The following CD320 variants were observed in gnomAD, a reference collection of about 807,000 sequenced individuals.
CD320 encodes the protein CD320 molecule.
In CD320, 16 loss-of-function variants were observed where a neutral mutation model predicts 22.1. The ratio of observed to expected loss-of-function variants is 0.73; its 90% confidence interval spans 0.49 to 1.10. CD320 has a LOEUF of 1.10. Ranked by LOEUF, CD320 falls within the 50% of genes least tolerant of loss-of-function variation. CD320 has a pLI of 0.00. For missense variants in CD320, 388 were observed against 376.9 expected (o/e 1.03, Z -0.24); for synonymous variants, 188 against 167.8 (o/e 1.12, Z -0.93).
chr19:8,303,646 C>G (rs1379287464), intron 3 of CD320, among the ~76,000 whole-genome samples: 2 of 152,038 alleles, frequency 1.3e-5, no homozygotes, highest in African/African-American at 4.8e-5. Flanking sequence ...AAATCCTGAC[C>G]TCAGATGATC....
At position 8,302,951 on chromosome 19, in the gene CD320, C is replaced by T; in HGVS notation, c.532G>A (p.Ala178Thr). 1.9e-6 allele frequency: 3 copies of T among 1,613,994 alleles called. No homozygotes were observed. In the African/African-American group the frequency reaches 4.0e-5, roughly 22 times the overall value. Residue 178 changes from alanine to threonine, a missense_variant, in exon 4 of 5, where the codon GCC (alanine) becomes ACC (threonine). By Grantham distance (58) the Ala-to-Thr change is moderately conservative. Transcript: ENST00000301458. ...GTNEILPEGD[A>T]TTMGPPVTLE... Reference sequence around the variant, plus strand: ...GTCACAGGGGGCCCCATGGTTGTGGCATCCCCTTCCGGGAGGATCTCATTG... The same window carrying T: ...GTCACAGGGGGCCCCATGGTTGTGGTATCCCCTTCCGGGAGGATCTCATTG...
At chr19:8,304,769 C>A in intron 2 of CD320, 1 of 477,020 alleles carries the variant, frequency 2.1e-6, no homozygotes, top group South Asian at 2.0e-5. Context: ...ACAATCCTAG[C>A]TCACTGCAGC....
chr19:8,307,441 G>A (rs571795048), intron 1 of CD320, among the ~76,000 whole-genome samples: 8 of 152,278 alleles, frequency 5.3e-5, no homozygotes, highest in Non-Finnish European at 1.0e-4. Flanking sequence ...AAGGAGCTGG[G>A]AAAGTGTGTG....
At chr19:8,307,350 C>A (rs117423016) in intron 1 of CD320, among the ~76,000 whole-genome samples, 1 of 137,418 alleles carries the variant, frequency 7.3e-6, no homozygotes, top group Non-Finnish European at 1.5e-5. Flanking sequence ...AAAAAACAAA[C>A]AAAAAAAAAC....
In CD320 at chr19:8,302,553, G is replaced by A. The variant is rs200607555; in HGVS notation, c.759C>T (p.Leu253=). ...GTGGGCGGAGGCGCTCCTGGGCTCG[G>A]AGCCAGGACAAAAGGAGGAGGGTGG... ...VTATLLLLSW[L]RAQERLRPLG... Residue 253 remains leucine (L), a synonymous_variant, in exon 5 of 5, where the codon CTC becomes CTT. Transcript: ENST00000301458. 465 of 1,614,028 alleles carry A rather than the reference G, an allele frequency of 2.9e-4. 1 individual carries two copies. The highest frequency in any genetic ancestry group is 2.5e-3 in the South Asian group (229 of 91,088).
rs1970021794 is a variant in CD320 at position 8,302,452 on chromosome 19, A to C, written c.*11T>G. On this transcript the variant is annotated 3_prime_UTR_variant, in exon 5 of 5. Transcript: ENST00000301458. Reference sequence around the variant, plus strand: ...CCAGGGCTGAGTGACGGTGGTGGCAAGTGCTTGTCCTCAGGGCAGCGAGGT... The same window carrying C: ...CCAGGGCTGAGTGACGGTGGTGGCACGTGCTTGTCCTCAGGGCAGCGAGGT... 6.2e-7 allele frequency: 1 copy of C among 1,613,846 alleles called. No homozygotes were observed. Among genetic ancestry groups the C allele is most frequent in the African/African-American group, 1.3e-5 (1 of 75,042 alleles).
At position 8,303,986 on chromosome 19, in the gene CD320, A is replaced by G. The variant is rs886297543; in HGVS notation, c.371T>C (p.Leu124Pro). 6 of 1,575,242 alleles carry G rather than the reference A, an allele frequency of 3.8e-6. No homozygotes were observed. Among genetic ancestry groups the G allele is most frequent in the Non-Finnish European group, 5.2e-6 (6 of 1,160,566 alleles). ...SDCSGGTDKK[L>P]RNCSRLACLA... ...GCAGGCCAGGCGGCTGCAGTTGCGC[A>G]GTTTCTTGTCAGTTCCCCCAGAGCA... is the stretch of plus-strand genomic sequence containing the variant. Residue 124 changes from leucine (L) to proline (P), a missense_variant, in exon 3 of 5, where the codon CTG becomes CCG. Physicochemically the swap from Leu to Pro is moderately conservative, Grantham distance 98. Transcript: ENST00000301458.
chr19:8,303,795 C>T, intron 3 of CD320, 60 bp downstream of exon 3: 1 of 1,199,052 alleles, frequency 8.3e-7, no homozygotes, highest in Non-Finnish European at 1.2e-6. Context: ...GGCCACGCCC[C>T]AGCAGGCAGT....
chr19:8,305,325 G>A, intron 1 of CD320, 169 bp from the exon 2 acceptor site: 2 of 754,958 alleles, frequency 2.6e-6, no homozygotes, highest in Non-Finnish European at 4.3e-6. Context: ...GGTTCAGAGT[G>A]TAGCAGTTCC....
chr19:8,308,049 A>T, intron 1 of CD320, 100 bp downstream of exon 1: 1 of 1,208,958 alleles, frequency 8.3e-7, no homozygotes, highest in Non-Finnish European at 1.1e-6. Flanking sequence ...AGTGTCATGA[A>T]CTGACGTGCG....
intron 3 of CD320, 72 bp from the exon 4 acceptor site, chr19:8,303,052 G>A (rs964182059): frequency 4.9e-5 from 66 of 1,351,734 alleles, no homozygotes; most frequent in Non-Finnish European, 6.6e-5. Flanking sequence ...ATGCCCAGGG[G>A]AGCCCTTGGG....
intron 2 of CD320, chr19:8,304,666 T>G: frequency 5.7e-6 from 1 of 176,240 alleles, no homozygotes; most frequent in Non-Finnish European, 1.3e-5. Context: ...TTTCCTTCCT[T>G]TCTTTCCTTT....
Position 8,302,383 on chromosome 19 carries a change from C to G in CD320, c.*80G>C, listed in dbSNP as rs781413454. 33 of 1,567,580 alleles carry G rather than the reference C, an allele frequency of 2.1e-5. No homozygotes were observed. The highest frequency in any genetic ancestry group is 2.7e-5 in the Non-Finnish European group (31 of 1,140,702). On this transcript the variant is annotated 3_prime_UTR_variant, in exon 5 of 5. Coordinates refer to ENST00000301458, the MANE Select transcript of CD320 (RefSeq NM_016579.4). ...TCAGGTCTCTGAGGGCTGGTGTGCC[C>G]GGGTACCCATCCGCATCACTGCTCT...
In CD320 at chr19:8,306,451, C is replaced by T. The variant is rs182990628; in HGVS notation, c.143-1295G>A. 3.5e-3 allele frequency among the ~76,000 whole-genome samples: 530 copies of T among 152,298 alleles called. 3 individuals carry two copies. Among genetic ancestry groups the T allele is most frequent in the African/African-American group, 0.012 (504 of 41,556 alleles). On this transcript the variant is annotated intron_variant, in intron 1 of 4. Coordinates refer to ENST00000301458, the MANE Select transcript of CD320 (RefSeq NM_016579.4). Reference sequence around the variant, plus strand: ...AGCTGCTTGCCGACCTGGAGGGGCACGGAGGGGCCCGCAACCTGGGCCAAG... The same window carrying T: ...AGCTGCTTGCCGACCTGGAGGGGCATGGAGGGGCCCGCAACCTGGGCCAAG...
chr19:8,304,618 CAT>C (rs2145377384), intron 2 of CD320: 1 of 266,788 alleles, frequency 3.7e-6, no homozygotes. Flanking sequence ...GCTGGGATTA[CAT>C]GTGTGAGCCA....
rs140780600 is a variant in CD320 at position 8,307,282 on chromosome 19, C to CAAA, written c.142+864_142+866dup. Among the ~76,000 whole-genome samples, 465 of 112,542 alleles carry CAAA rather than the reference C, an allele frequency of 4.1e-3. 44 individuals are homozygous for CAAA. The South Asian group carries it at 0.14, about 33-fold the overall frequency. The allele number at this position is 112,542 out of a possible 152,430, so 73.8% of individuals were successfully genotyped here. On this transcript the variant is annotated intron_variant, in intron 1 of 4. Transcript: ENST00000301458. ...CCAGCCAGGGCGACAGAGGGAGACT[C>CAAA]AAAAAAAAAAAAACAAAAACTTTTG...
In CD320 at chr19:8,302,761, G is replaced by A. The variant is rs1482413974; in HGVS notation, c.706+16C>T. On this transcript the variant is annotated intron_variant, in intron 4 of 4. Coordinates refer to ENST00000301458, the MANE Select transcript of CD320 (RefSeq NM_016579.4). ...GAGCTCTAAGCCCCCAGCATGGGAG[G>A]GTAAGTCCCTCTTACCAGCAGCTGC... 5.0e-6 allele frequency: 8 copies of A among 1,613,484 alleles called. No homozygotes were observed. The highest frequency in any genetic ancestry group is 3.3e-5 in the South Asian group (3 of 91,064).
At chr19:8,306,082 C>T (rs763618389) in intron 1 of CD320, among the ~76,000 whole-genome samples, 2 of 152,158 alleles carry the variant, frequency 1.3e-5, no homozygotes, top group Non-Finnish European at 2.9e-5. Context: ...CCCCAGGCCC[C>T]AGGCCCCAAG....
At position 8,303,988 on chromosome 19, in the gene CD320, T is replaced by A; in HGVS notation, c.369A>T (p.Lys123Asn). Reference sequence around the variant, plus strand: ...AGGCCAGGCGGCTGCAGTTGCGCAGTTTCTTGTCAGTTCCCCCAGAGCAGT... The same window carrying A: ...AGGCCAGGCGGCTGCAGTTGCGCAGATTCTTGTCAGTTCCCCCAGAGCAGT... The part of the protein sequence containing the change: ...VSDCSGGTDK[K>N]LRNCSRLACL... The change falls in exon 3 of 5, where the codon AAA becomes AAT. Residue 123 changes from lysine (K) to asparagine (N), a missense_variant. Coordinates refer to ENST00000301458, the MANE Select transcript of CD320 (RefSeq NM_016579.4). 6.4e-7 allele frequency: 1 copy of A among 1,574,524 alleles called. No homozygotes were observed. The highest frequency in any genetic ancestry group is 2.4e-5 in the East Asian group (1 of 42,546).
Sources: allele counts gnomAD v4.1 joint callset (sites outside exome capture counted in the v4.1 genomes callset), GRCh38; gene constraint gnomAD v4.1.1; transcripts MANE v1.5; gene names NCBI Gene and HGNC (gene_info 2026-07-23, HGNC 2026-07-21).